Variants in LRRC59 observed in about 807,000 individuals in gnomAD.
LRRC59 encodes the protein leucine-rich repeat-containing protein 59.
In LRRC59, 18 loss-of-function variants were observed where a neutral mutation model predicts 33.5. The observed-to-expected ratio is 0.54, with a 90% CI of 0.37 to 0.80. LRRC59 has a LOEUF of 0.80. Ranked by LOEUF, LRRC59 falls within the 30% of genes least tolerant of loss-of-function variation. The probability of loss-of-function intolerance (pLI) is 0.00; values close to 1 mark genes in which losing one functional copy is unlikely to be tolerated. For missense variants in LRRC59, 330 were observed against 391.9 expected (o/e 0.84, Z 1.33); for synonymous variants, 138 against 160.0 (o/e 0.86, Z 1.04).
At position 50,385,168 on chromosome 17, in the gene LRRC59, G is replaced by GCTGCTTTGAGGGCAT. The variant is rs1913973157; in HGVS notation, c.611_625dup (p.Asp204_Ala208dup). ...AGGTTTCTTCTCCTGCTCCCGCTTG[G>GCTGCTTTGAGGGCAT]CTGCTTTGAGGGCATCATACTCCTT... On this transcript the variant is annotated inframe_insertion, in exon 6 of 7. Transcript: ENST00000225972. The GCTGCTTTGAGGGCAT allele has an allele frequency of 6.2e-7, 1 of 1,613,998 alleles. No homozygotes were observed. Among genetic ancestry groups the GCTGCTTTGAGGGCAT allele is most frequent in the Non-Finnish European group, 8.5e-7 (1 of 1,180,030 alleles).
intron 4 of LRRC59, among the ~76,000 whole-genome samples, chr17:50,390,088 A>G (rs1914105518): frequency 7.7e-6 from 1 of 129,416 alleles, no homozygotes; most frequent in Admixed American, 8.3e-5. Flanking sequence ...ATAGAGCGTG[A>G]CTCTGTCTCA....
intron 6 of LRRC59, among the ~76,000 whole-genome samples, chr17:50,384,110 A>G (rs1913943589): frequency 6.6e-6 from 1 of 151,724 alleles, no homozygotes; most frequent in African/African-American, 2.4e-5. Context: ...CCTCTGCAGC[A>G]TGTGGAGCCA....
Position 50,388,097 on chromosome 17 carries a change from C to T in LRRC59, c.465G>A (p.Gln155=). The stretch of plus-strand genomic sequence containing the variant: ...CCAGCCGCCGCTGCCTCTCCCGCTC[C>T]TGATCTGCCTGCACGGCCTTCATGT... The part of the protein sequence containing the change: ...LQHMKAVQAD[Q]ERERQRRLEV... Residue 155 remains glutamine, a synonymous_variant, in exon 5 of 7, where the codon CAG becomes CAA. Coordinates refer to ENST00000225972, the MANE Select transcript of LRRC59 (RefSeq NM_018509.4). The T allele has an allele frequency of 1.9e-6, 3 of 1,614,238 alleles. No homozygotes were observed. The highest frequency in any genetic ancestry group is 2.5e-6 in the Non-Finnish European group (3 of 1,180,052).
intron 5 of LRRC59, among the ~76,000 whole-genome samples, chr17:50,387,637 G>A (rs1914042200): frequency 6.6e-6 from 1 of 152,172 alleles, no homozygotes; most frequent in Non-Finnish European, 1.5e-5. Context: ...TGGAGAAACA[G>A]TCCCACATAG....
Position 50,392,864 on chromosome 17 carries a change from G to A in LRRC59, c.199C>T (p.Leu67=), listed in dbSNP as rs1479554207. Residue 67 remains leucine (L), a synonymous_variant, in exon 3 of 7, where the codon CTA becomes TTA. Transcript: ENST00000225972. ...DFCGLTHLVK[L]DLSKNKLQQL... is the part of the protein sequence containing the mutation. ...TGCAGCTTGTTCTTACTCAGGTCTA[G>A]CTTCACCAGGTGTGTGAGGCCACAG... 1.2e-6 allele frequency: 2 copies of A among 1,614,034 alleles called. No homozygotes were observed. Among genetic ancestry groups the A allele is most frequent in the Admixed American group, 1.7e-5 (1 of 60,018 alleles).
rs1052138250 is a variant in LRRC59 at position 50,382,878 on chromosome 17, T to G, written c.*110A>C. 23 of 1,358,748 alleles carry G rather than the reference T, an allele frequency of 1.7e-5. No individual in the cohort carries two copies. The Admixed American group carries it at 3.3e-4, about 20-fold the overall frequency. The allele number at this position is 1,358,748 out of a possible 1,614,324, so 84.2% of individuals were successfully genotyped here. A position where few individuals can be genotyped will look rare whatever the true frequency, so the allele number is the denominator to read the frequency against. On this transcript the variant is annotated 3_prime_UTR_variant, in exon 7 of 7. Coordinates refer to ENST00000225972, the MANE Select transcript of LRRC59 (RefSeq NM_018509.4). ...GTCTCATGTACCAATCTGCAGCCAT[T>G]TGATGATGGCAGGTAGGTCTGATGC...
intron 4 of LRRC59, 142 bp from the exon 5 acceptor site, chr17:50,388,274 C>T: frequency 1.3e-6 from 1 of 747,642 alleles, no homozygotes; most frequent in Non-Finnish European, 2.3e-6. Flanking sequence ...TGTGGTGGCT[C>T]ACGCCTGTAA....
intron 4 of LRRC59, among the ~76,000 whole-genome samples, chr17:50,389,729 G>A (rs1029166335): frequency 2.6e-5 from 4 of 152,082 alleles, no homozygotes; most frequent in South Asian, 2.1e-4. Flanking sequence ...CTCCAGACAC[G>A]CATACCTCCA....
intron 6 of LRRC59, among the ~76,000 whole-genome samples, chr17:50,384,854 C>A (rs943638623): frequency 3.3e-5 from 5 of 151,778 alleles, no homozygotes; most frequent in African/African-American, 1.2e-4. Flanking sequence ...AAAAGTGAGA[C>A]TCTGTTCTGG....
chr17:50,394,868 G>A (rs889430071), intron 2 of LRRC59, 61 bp downstream of exon 2: 27 of 889,876 alleles, frequency 3.0e-5, no homozygotes, highest in South Asian at 6.3e-5. Flanking sequence ...CTCAACCCCC[G>A]AAACAGGAAG....
intron 6 of LRRC59, 113 bp downstream of exon 6, chr17:50,385,005 G>A (rs2143354599): frequency 1.6e-6 from 2 of 1,231,768 alleles, no homozygotes; most frequent in Middle Eastern, 2.9e-4. Flanking sequence ...CCAAGCTTTA[G>A]AGTGTACTTT....
At chr17:50,387,580 A>C (rs1914039993) in intron 5 of LRRC59, among the ~76,000 whole-genome samples, 1 of 152,200 alleles carries the variant, frequency 6.6e-6, no homozygotes. Context: ...GCTGGAAGGC[A>C]TTGTGATGGT....
In LRRC59 at chr17:50,385,121, G is replaced by A. The variant is rs781066518; in HGVS notation, c.673C>T (p.Pro225Ser). 6.2e-7 allele frequency: 1 copy of A among 1,613,336 alleles called. No homozygotes were observed. Among genetic ancestry groups the A allele is most frequent in the East Asian group, 2.2e-5 (1 of 44,870 alleles). ...KKPKKEANQA[P>S]KSKSGSRPRK... ...TTACAACAGGCAGAAAACTTACTCG[G>A]GGCCTGATTTGCTTCCTTCTTAGGT... The change falls in exon 6 of 7, where the codon CCG becomes TCG. Residue 225 changes from proline to serine, a missense_variant. By Grantham distance (74) the Pro-to-Ser change is moderately conservative (BLOSUM62 -1). Transcript: ENST00000225972.
intron 4 of LRRC59, among the ~76,000 whole-genome samples, chr17:50,388,375 C>T (rs1259069969): frequency 6.6e-6 from 1 of 152,134 alleles, no homozygotes; most frequent in African/African-American, 2.4e-5. Flanking sequence ...CCTGTCTCTA[C>T]AGAAAAATGT....
chr17:50,394,291 A>G (rs1914219525), intron 2 of LRRC59, among the ~76,000 whole-genome samples: 1 of 152,194 alleles, frequency 6.6e-6, no homozygotes, highest in Non-Finnish European at 1.5e-5. Flanking sequence ...ACGGTGCAGG[A>G]GCACTACTAT....
At chr17:50,390,996 C>A (rs1447836793) in intron 4 of LRRC59, among the ~76,000 whole-genome samples, 1 of 152,182 alleles carries the variant, frequency 6.6e-6, no homozygotes, top group African/African-American at 2.4e-5. Flanking sequence ...CCACATATTA[C>A]CTACTGAATG....
Position 50,382,559 on chromosome 17 carries a change from C to A in LRRC59, c.*429G>T, listed in dbSNP as rs1913887267. 5.5e-6 allele frequency: 1 copy of A among 181,468 alleles called. No homozygotes were observed. The highest frequency in any genetic ancestry group is 1.2e-5 in the Non-Finnish European group (1 of 84,728). 11.2% of individuals were successfully genotyped at this position (181,468 alleles called of 1,614,324 possible). A position where few individuals can be genotyped will look rare whatever the true frequency, so the allele number is the denominator to read the frequency against. On this transcript the variant is annotated 3_prime_UTR_variant, in exon 7 of 7. Transcript: ENST00000225972. The stretch of plus-strand genomic sequence containing the variant: ...GACTGGATTTACTGAGCGTGGTGTT[C>A]TAGTCCCCCCCAGTTCCTCCTGATC...
intron 5 of LRRC59, 99 bp from the exon 6 acceptor site, chr17:50,385,390 C>T: frequency 1.6e-6 from 2 of 1,254,396 alleles, no homozygotes; most frequent in Non-Finnish European, 2.2e-6. Context: ...CACCTTTACC[C>T]TGGTGCCATG....
chr17:50,381,330 G>A lies in LRRC59; in HGVS notation c.*1658C>T. On this transcript the variant is annotated 3_prime_UTR_variant, in exon 7 of 7. Coordinates refer to ENST00000225972, the MANE Select transcript of LRRC59 (RefSeq NM_018509.4). The stretch of plus-strand genomic sequence containing the variant: ...AGTGAAGCTGCGGGTTGGCTTGACT[G>A]GGCTCAGCCACTGAGCTGCCTCAAC... 1 of 212,400 alleles carries A rather than the reference G, an allele frequency of 4.7e-6. No individual in the cohort carries two copies. 13.2% of individuals were successfully genotyped at this position (212,400 alleles called of 1,614,324 possible).
Sources: gnomAD v4.1 joint callset for allele counts (sites outside exome capture counted in the v4.1 genomes callset) on GRCh38, gnomAD v4.1.1 for gene constraint, MANE v1.5 for transcripts, NCBI Gene and HGNC (gene_info 2026-07-23, HGNC 2026-07-21) for gene names.